The following BTG4 variants were observed in gnomAD, a reference collection of about 807,000 sequenced individuals.
The protein encoded by BTG4 is protein BTG4.
In BTG4, 10 loss-of-function variants were observed where a neutral mutation model predicts 19.3. That is an observed-to-expected ratio of 0.52 (90% CI 0.32 to 0.88). The LOEUF (loss-of-function observed/expected upper bound fraction) is 0.88. BTG4 is among the 40% of genes least tolerant of loss of function. BTG4 has a pLI of 0.04. For missense variants in BTG4, 238 were observed against 281.9 expected (o/e 0.84, Z 1.11); for synonymous variants, 91 against 95.7 (o/e 0.95, Z 0.29).
At chr11:111,450,691 C>A in the BTG4 span, 1 of 152,180 alleles carries the variant, frequency 6.6e-6, no homozygotes, top group South Asian at 2.1e-4. Context: ...TATATACATG[C>A]TCTTGGGAAA....
chr11:111,396,556 T>C, the BTG4 span, among the ~76,000 whole-genome samples: 6 of 152,252 alleles, frequency 3.9e-5, no homozygotes, highest in African/African-American at 1.4e-4. Context: ...CGACCTTCCC[T>C]GAAAATCAAG....
the BTG4 span, among the ~76,000 whole-genome samples, chr11:111,444,847 C>T: frequency 4.7e-4 from 72 of 152,100 alleles, no homozygotes; most frequent in African/African-American, 1.7e-3. Flanking sequence ...GGCAGGAGAG[C>T]GCAGCAGTAA....
At chr11:111,441,815 T>C in the BTG4 span, among the ~76,000 whole-genome samples, 1 of 152,126 alleles carries the variant, frequency 6.6e-6, no homozygotes, top group African/African-American at 2.4e-5. Flanking sequence ...TCCCAGCACC[T>C]TGAGAGGCTG....
the BTG4 span, among the ~76,000 whole-genome samples, chr11:111,443,639 C>T: frequency 2.0e-5 from 3 of 152,144 alleles, no homozygotes; most frequent in African/African-American, 7.2e-5. Context: ...GAAATTAAGT[C>T]GTCCCCCACC....
chr11:111,422,101 T>C, the BTG4 span, among the ~76,000 whole-genome samples: 2 of 152,228 alleles, frequency 1.3e-5, no homozygotes, highest in South Asian at 2.1e-4. Context: ...ATCATTCCAA[T>C]AGGATTCTCC....
chr11:111,436,817 G>A, the BTG4 span, among the ~76,000 whole-genome samples: 6 of 152,092 alleles, frequency 3.9e-5, no homozygotes, highest in Admixed American at 6.5e-5. Flanking sequence ...CAGGCAAGGC[G>A]CCCTCGAGCG....
chr11:111,465,066 C>T (rs574014824), downstream of BTG4, among the ~76,000 whole-genome samples: 2 of 152,116 alleles, frequency 1.3e-5, no homozygotes, highest in South Asian at 2.1e-4. Context: ...GAAGAGAAGA[C>T]CTTGCTCCCC....
chr11:111,474,084 A>G lies in BTG4; in HGVS notation c.663-6403T>C, dbSNP rs375478973. 1.2e-3 allele frequency among the ~76,000 whole-genome samples: 182 copies of G among 152,288 alleles called. 4 individuals carry two copies. The South Asian group carries it at 0.037, about 31-fold the overall frequency. ...CACAGTAGAGACCTATCATGTCAAG[A>G]TCAAGATCAGAAACTAGCAACCTAG... On this transcript the variant is annotated intron_variant, in intron 5 of 5. Transcript: ENST00000356018.
downstream of BTG4, among the ~76,000 whole-genome samples, chr11:111,463,973 AGT>A (rs1800959444): frequency 1.3e-5 from 2 of 152,152 alleles, no homozygotes; most frequent in African/African-American, 2.4e-5. Context: ...GAGGCCAGAG[AGT>A]GAGAGAGGGC....
chr11:111,498,084 T>C lies in BTG4; in HGVS notation c.225A>G (p.Ala75=). 3.1e-6 allele frequency: 5 copies of C among 1,614,118 alleles called. No homozygotes were observed. The highest frequency in any genetic ancestry group is 2.2e-5 in the East Asian group (1 of 44,886). Reference sequence around the variant, plus strand: ...AAAAATCTACATTACTTTCCACACATGCCCTTTCTAGAATGGGATCTTTAT... The same window carrying C: ...AAAAATCTACATTACTTTCCACACACGCCCTTTCTAGAATGGGATCTTTAT... The part of the protein sequence containing the change: ...NQNKDPILER[A]CVESNVDFSH... Residue 75 remains alanine (A), a synonymous_variant, in exon 3 of 5, where the codon GCA becomes GCG. Coordinates refer to ENST00000692032, the MANE Select transcript of BTG4 (RefSeq NM_001367975.1).
the BTG4 span, among the ~76,000 whole-genome samples, chr11:111,401,797 T>C: frequency 1.3e-5 from 2 of 151,970 alleles, no homozygotes; most frequent in African/African-American, 2.4e-5. Flanking sequence ...CTGTGAGGGG[T>C]TTTCTGCCCA....
the BTG4 span, among the ~76,000 whole-genome samples, chr11:111,424,027 C>T: frequency 2.0e-5 from 3 of 152,280 alleles, no homozygotes; most frequent in African/African-American, 7.2e-5. Context: ...TGACAGAAGC[C>T]TCATGGAGGA....
At chr11:111,388,563 A>G in the BTG4 span, among the ~76,000 whole-genome samples, 1 of 152,066 alleles carries the variant, frequency 6.6e-6, no homozygotes, top group Non-Finnish European at 1.5e-5. Context: ...ACACATAACC[A>G]TCATTTCCCA....
chr11:111,389,371 G>A, the BTG4 span, among the ~76,000 whole-genome samples: 1 of 152,120 alleles, frequency 6.6e-6, no homozygotes, highest in Admixed American at 6.5e-5. Flanking sequence ...AGGTCCAAAA[G>A]AAAAAAAGAA....
chr11:111,495,199 G>C lies in BTG4; in HGVS notation c.626C>G (p.Pro209Arg), dbSNP rs1321166594. ...GTGCATAGCAGGCCTGTAACACTTA[G>C]GATGCTTCTGCGAGCCATGGTAAGT... Reference protein sequence around the residue: ...GNTYHGSQKHPKCYRPAMHRL... With the variant: ...GNTYHGSQKHRKCYRPAMHRL... Residue 209 changes from proline to arginine, a missense_variant, in exon 5 of 5, where the codon CCT becomes CGT. Pro to Arg is a moderately radical substitution (Grantham distance 103, BLOSUM62 -2). Transcript: ENST00000692032. The C allele has an allele frequency of 1.2e-6, 2 of 1,611,780 alleles. No individual in the cohort carries two copies. The highest frequency in any genetic ancestry group is 1.7e-5 in the Admixed American group (1 of 59,558).
chr11:111,393,706 T>C, the BTG4 span, among the ~76,000 whole-genome samples: 1 of 152,176 alleles, frequency 6.6e-6, no homozygotes, highest in Non-Finnish European at 1.5e-5. Flanking sequence ...GAGGGAAGGA[T>C]GACTGACCAA....
At chr11:111,420,712 C>T in the BTG4 span, among the ~76,000 whole-genome samples, 6 of 152,304 alleles carry the variant, frequency 3.9e-5, no homozygotes, top group South Asian at 8.3e-4. Flanking sequence ...CTGGTGACCC[C>T]GTTCATTCAT....
At chr11:111,500,359 A>C (rs1865993783) in intron 1 of BTG4, among the ~76,000 whole-genome samples, 1 of 152,198 alleles carries the variant, frequency 6.6e-6, no homozygotes, top group South Asian at 2.1e-4. Flanking sequence ...CATTAGTGAA[A>C]AGGAATTCAC....
At chr11:111,479,259 A>G (rs1864588484) in intron 5 of BTG4, among the ~76,000 whole-genome samples, 1 of 152,102 alleles carries the variant, frequency 6.6e-6, no homozygotes, top group Admixed American at 6.6e-5. Context: ...AATTCTATAC[A>G]AAGGGAAATA....
Sources: gnomAD v4.1 joint callset for allele counts (sites outside exome capture counted in the v4.1 genomes callset) on GRCh38, gnomAD v4.1.1 for gene constraint, MANE v1.5 for transcripts, NCBI Gene and HGNC (gene_info 2026-07-23, HGNC 2026-07-21) for gene names.